DLG1: variants seen among roughly 807,000 people sequenced by gnomAD.
The protein encoded by DLG1 is disks large homolog 1.
DLG1 carries 42 observed loss-of-function variants against 123.4 expected under a neutral mutation model. The ratio of observed to expected loss-of-function variants is 0.34; its 90% CI spans 0.27 to 0.44. The LOEUF (loss-of-function observed/expected upper bound fraction) is 0.44, where lower values mean the gene tolerates loss of function less well. Ranked by LOEUF, DLG1 falls within the 20% of genes least tolerant of loss-of-function variation. DLG1 has a pLI of 1.00. For synonymous variants in DLG1, 317 were observed against 356.2 expected, an observed-to-expected ratio of 0.89 and a Z score of 1.24; for missense variants, 942 against 1,082.6, an observed-to-expected ratio of 0.87 and a Z score of 1.82.
chr3:197,274,048 C>A (rs1765223262), intron 4 of DLG1, among the ~76,000 whole-genome samples: 1 of 152,202 alleles, frequency 6.6e-6, no homozygotes, highest in Middle Eastern at 3.4e-3. Flanking sequence ...TATACAGATT[C>A]AATGCAATCC....
chr3:197,136,735 GA>G, intron 9 of DLG1, 57 bp from the exon 10 acceptor site: 1 of 1,458,054 alleles, frequency 6.9e-7, no homozygotes. Flanking sequence ...AGCCCAGAAA[GA>G]AATGGTTGAA....
intron 16 of DLG1, among the ~76,000 whole-genome samples, chr3:197,082,664 T>C (rs1041399213): frequency 6.6e-6 from 1 of 152,204 alleles, no homozygotes; most frequent in Non-Finnish European, 1.5e-5. Context: ...AAGAAAGAGA[T>C]AGTTCTATTT....
rs372901090 is a variant in DLG1, at chr3:197,284,447, T to TA, written c.152-1603dup. ...AAATTTACTACCTAGTATAAAATGA[T>TA]AGTCTTTCAATAAACCTATGCAAAA... On this transcript the variant is annotated intron_variant, in intron 3 of 24. Transcript: ENST00000667157. Among the ~76,000 whole-genome samples, 287 of 152,298 alleles carry TA rather than the reference T, an allele frequency of 1.9e-3. 2 individuals are homozygous for TA. The highest frequency in any genetic ancestry group is 6.4e-3 in the African/African-American group (268 of 41,552).
At chr3:197,101,571 A>C (rs1421922688) in intron 14 of DLG1, among the ~76,000 whole-genome samples, 1 of 152,034 alleles carries the variant, frequency 6.6e-6, no homozygotes, top group Non-Finnish European at 1.5e-5. Flanking sequence ...TTGTATTTTT[A>C]GTAGAGACGG....
At chr3:197,240,528 A>G (rs775096537) in intron 4 of DLG1, among the ~76,000 whole-genome samples, 108 of 152,208 alleles carry the variant, frequency 7.1e-4, no homozygotes, top group Non-Finnish European at 1.3e-3. Flanking sequence ...AAATGGACAA[A>G]GCAAGGAACC....
At chr3:197,278,284 A>C (rs1767505521) in intron 4 of DLG1, among the ~76,000 whole-genome samples, 1 of 26,216 alleles carries the variant, frequency 3.8e-5, no homozygotes, top group African/African-American at 1.6e-4. Flanking sequence ...CTCTGTCCCA[A>C]AAAAAAAAAA....
intron 4 of DLG1, among the ~76,000 whole-genome samples, chr3:197,263,215 C>G (rs75158635): frequency 0.037 from 5,612 of 152,254 alleles, 166 homozygotes; most frequent in South Asian, 0.052. Context: ...ATTTTTATCA[C>G]ATCTAGAGTA....
chr3:197,289,480 G>C (rs1560175804), intron 3 of DLG1, among the ~76,000 whole-genome samples: 2 of 152,022 alleles, frequency 1.3e-5, no homozygotes, highest in African/African-American at 4.8e-5. Flanking sequence ...GTTTTATATA[G>C]AACATGCATC....
At position 197,297,246 on chromosome 3, in the gene DLG1, C is replaced by G. The variant is rs543082202; in HGVS notation, c.-31-11G>C. ...GAAGAGGGCACACACCTTTAAAACA[C>G]ACAACGGAAAGGAAAAAGGATAGAA... On this transcript the variant is annotated splice_polypyrimidine_tract_variant and intron_variant, in intron 1 of 24. Coordinates refer to ENST00000667157, the MANE Select transcript of DLG1 (RefSeq NM_001366207.1). 6.2e-7 allele frequency: 1 copy of G among 1,613,644 alleles called. No individual in the cohort carries two copies. Among genetic ancestry groups the G allele is most frequent in the South Asian group, 1.1e-5 (1 of 91,044 alleles).
intron 3 of DLG1, among the ~76,000 whole-genome samples, chr3:197,288,089 G>C (rs1226432002): frequency 6.6e-6 from 1 of 151,998 alleles, no homozygotes; most frequent in Non-Finnish European, 1.5e-5. Context: ...ATATAGGCCG[G>C]GTGCAGTGGC....
chr3:197,116,217 C>G, intron 12 of DLG1, 134 bp from the exon 13 acceptor site: 1 of 671,236 alleles, frequency 1.5e-6, no homozygotes, highest in Non-Finnish European at 2.3e-6. Flanking sequence ...AATGGTTTTT[C>G]TAAAACTACG....
chr3:197,263,180 A>G (rs925228068), intron 4 of DLG1, among the ~76,000 whole-genome samples: 6 of 152,230 alleles, frequency 3.9e-5, no homozygotes, highest in African/African-American at 1.4e-4. Context: ...TTGCTCTCTT[A>G]GTATTCTGAA....
At chr3:197,215,067 T>C (rs1359511681) in intron 4 of DLG1, among the ~76,000 whole-genome samples, 1 of 152,222 alleles carries the variant, frequency 6.6e-6, no homozygotes. Flanking sequence ...ATATAACCTT[T>C]GACTCAGGAA....
At position 197,053,589 on chromosome 3, in the gene DLG1, T is replaced by C. The variant is rs149749023; in HGVS notation, c.2484-1921A>G. 1.8e-3 allele frequency among the ~76,000 whole-genome samples: 274 copies of C among 151,192 alleles called. 2 individuals carry two copies. Among genetic ancestry groups the C allele is most frequent in the Middle Eastern group, 6.8e-3 (2 of 292 alleles). On this transcript the variant is annotated intron_variant, in intron 23 of 24. Coordinates refer to ENST00000667157, the MANE Select transcript of DLG1 (RefSeq NM_001366207.1). ...GACTTCGGGACCAGCCTGGCCAACA[T>C]GGTGAAATCCCGTCTCCACTAAGAA...
intron 4 of DLG1, among the ~76,000 whole-genome samples, chr3:197,205,265 G>A (rs1178221065): frequency 6.6e-6 from 1 of 151,854 alleles, no homozygotes; most frequent in Non-Finnish European, 1.5e-5. Flanking sequence ...TCCAAAACTG[G>A]CCATGACTGA....
intron 4 of DLG1, among the ~76,000 whole-genome samples, chr3:197,273,543 T>C (rs1334803313): frequency 6.6e-6 from 1 of 152,084 alleles, no homozygotes; most frequent in East Asian, 1.9e-4. Flanking sequence ...CGGCTGAATA[T>C]ATACTTTTAA....
chr3:197,232,108 G>A (rs747343283), intron 4 of DLG1, among the ~76,000 whole-genome samples: 9 of 152,104 alleles, frequency 5.9e-5, no homozygotes, highest in Non-Finnish European at 1.2e-4. Context: ...AGGAAACCTG[G>A]TATAATCTCA....
intron 4 of DLG1, among the ~76,000 whole-genome samples, chr3:197,217,451 G>C (rs1317484494): frequency 1.3e-5 from 2 of 152,064 alleles, no homozygotes; most frequent in Admixed American, 1.3e-4. Flanking sequence ...TTAAAATTTG[G>C]AATCAGTATG....
At chr3:197,107,229 T>C (rs889012732) in intron 13 of DLG1, among the ~76,000 whole-genome samples, 2 of 152,282 alleles carry the variant, frequency 1.3e-5, no homozygotes, top group East Asian at 3.9e-4. Context: ...CGCTAAATAA[T>C]GCGCCACTAA....
Sources: gnomAD v4.1 joint callset for allele counts (sites outside exome capture counted in the v4.1 genomes callset) on GRCh38, gnomAD v4.1.1 for gene constraint, MANE v1.5 for transcripts, NCBI Gene and HGNC (gene_info 2026-07-23, HGNC 2026-07-21) for gene names.